CSPP1: variants seen among roughly 807,000 people sequenced by gnomAD.
CSPP1 encodes the protein centrosome and spindle pole associated protein 1, also known as centrosome and spindle pole-associated protein 1.
Under a neutral mutation model 164.4 loss-of-function variants are expected in CSPP1, and 126 were observed. The observed-to-expected ratio is 0.77, with a 90% CI of 0.66 to 0.89. The LOEUF (loss-of-function observed/expected upper bound fraction) is 0.89, where lower values mean the gene tolerates loss of function less well. CSPP1 is among the 40% of genes least tolerant of loss of function. The pLI is 0.00. For missense variants in CSPP1, 1,395 were observed against 1,449.8 expected, an observed-to-expected ratio of 0.96 and a Z score of 0.61; for synonymous variants, 472 against 476.7, an observed-to-expected ratio of 0.99 and a Z score of 0.13.
In CSPP1 at chr8:67,172,471, G is replaced by T. The variant is rs1830666748; in HGVS notation, c.2884G>T (p.Ala962Ser). 1.9e-6 allele frequency: 3 copies of T among 1,613,098 alleles called. No homozygotes were observed. Among genetic ancestry groups the T allele is most frequent in the Admixed American group, 1.7e-5 (1 of 59,994 alleles). Residue 962 changes from alanine to serine, a missense_variant, in exon 25 of 31, where the codon GCT becomes TCT. Ala to Ser is a moderately conservative substitution (Grantham distance 99). Transcript: ENST00000678616. ...IFDMARHRLQ[A>S]PVRRQSPKGL... Reference sequence around the variant, plus strand: ...TGATATGGCTAGACATCGGTTGCAAGCTCCTGTCAGAAGACAGTCCCCTAA... The same window carrying T: ...TGATATGGCTAGACATCGGTTGCAATCTCCTGTCAGAAGACAGTCCCCTAA...
At position 67,086,123 on chromosome 8, in the gene CSPP1, A is replaced by G. The variant is rs1245126245; in HGVS notation, c.303+13A>G. 2.8e-6 allele frequency: 3 copies of G among 1,085,842 alleles called. No individual in the cohort carries two copies. Among genetic ancestry groups the G allele is most frequent in the African/African-American group, 1.5e-5 (1 of 64,778 alleles). 67.3% of individuals were successfully genotyped at this position (1,085,842 alleles called of 1,614,324 possible). A position where few individuals can be genotyped will look rare whatever the true frequency, so the allele number is the denominator to read the frequency against. On this transcript the variant is annotated intron_variant, in intron 4 of 30. Coordinates refer to ENST00000678616, the MANE Select transcript of CSPP1 (RefSeq NM_001382391.1). ...TTATCTTACTCAGGTAATGAGTTCT[A>G]TTAATGAGTTGGGTTTAATGTTTCA... is the stretch of plus-strand genomic sequence containing the variant.
At chr8:67,149,229 T>A (rs1825217264) in intron 17 of CSPP1, among the ~76,000 whole-genome samples, 1 of 152,186 alleles carries the variant, frequency 6.6e-6, no homozygotes, top group Admixed American at 6.5e-5. Context: ...TGGAAATAAT[T>A]TCTTTTATGA....
intron 10 of CSPP1, among the ~76,000 whole-genome samples, chr8:67,112,905 T>C (rs948465662): frequency 6.6e-6 from 1 of 152,200 alleles, no homozygotes; most frequent in Non-Finnish European, 1.5e-5. Context: ...CTATGAGATA[T>C]TATAGTTTAA....
chr8:67,074,246 C>G lies in CSPP1; in HGVS notation c.-7C>G. 1 of 1,597,360 alleles carries G rather than the reference C, an allele frequency of 6.3e-7. No individual in the cohort carries two copies. Among genetic ancestry groups the G allele is most frequent in the Non-Finnish European group, 8.5e-7 (1 of 1,170,268 alleles). Reference sequence around the variant, plus strand: ...TCACTGAAATTTTTTTTTAAAGAATCTGCAAAATGGCTGATAATTTGGATG... The same window carrying G: ...TCACTGAAATTTTTTTTTAAAGAATGTGCAAAATGGCTGATAATTTGGATG... On this transcript the variant is annotated 5_prime_UTR_variant, in exon 2 of 31. It adds an upstream start codon to the 5' untranslated region. Coordinates refer to ENST00000678616, the MANE Select transcript of CSPP1 (RefSeq NM_001382391.1).
chr8:67,124,562 A>G (rs568411162), intron 15 of CSPP1, among the ~76,000 whole-genome samples: 1 of 152,210 alleles, frequency 6.6e-6, no homozygotes, highest in East Asian at 1.9e-4. Flanking sequence ...GTGCAGTGGC[A>G]TGATCATGGC....
Position 67,118,291 on chromosome 8 carries a change from A to G in CSPP1, c.1540A>G (p.Thr514Ala), listed in dbSNP as rs1818321960. Reference protein sequence around the residue: ...PPPPLLPPLATNYRTPYDDAY... With the variant: ...PPPPLLPPLAANYRTPYDDAY... ...ACCTCCCCTACTACCACCTTTGGCT[A>G]CTAACTATCGAACTCCTTATGATGA... The change falls in exon 14 of 31, where the codon ACT becomes GCT. Residue 514 changes from threonine (T) to alanine (A), a missense_variant. Physicochemically the swap from Thr to Ala is moderately conservative, Grantham distance 58 (BLOSUM62 0). Transcript: ENST00000678616. 2 of 1,613,228 alleles carry G rather than the reference A, an allele frequency of 1.2e-6. No homozygotes were observed. Among genetic ancestry groups the G allele is most frequent in the Admixed American group, 1.7e-5 (1 of 59,980 alleles).
chr8:67,177,791 T>A, intron 27 of CSPP1, 65 bp downstream of exon 27: 8 of 1,086,900 alleles, frequency 7.4e-6, no homozygotes, highest in Non-Finnish European at 1.1e-5. Flanking sequence ...AGGCATATGA[T>A]GATCAAGTAA....
chr8:67,095,512 G>A lies in CSPP1; in HGVS notation c.703G>A (p.Ala235Thr). 6.2e-7 allele frequency: 1 copy of A among 1,613,512 alleles called. No homozygotes were observed. Among genetic ancestry groups the A allele is most frequent in the South Asian group, 1.1e-5 (1 of 91,052 alleles). Residue 235 changes from alanine to threonine, a missense_variant, in exon 7 of 31, where the codon GCA becomes ACA. Physicochemically the swap from Ala to Thr is moderately conservative, Grantham distance 58. Coordinates refer to ENST00000678616, the MANE Select transcript of CSPP1 (RefSeq NM_001382391.1). ...ELRNRRIIKKANEEVGISNLK... is the reference protein window; with the variant it reads ...ELRNRRIIKKTNEEVGISNLK... ...AAGGAATAGAAGAATTATTAAAAAA[G>A]CAAATGAAGAAGTGGGCATTTCCAA...
At chr8:67,076,221 C>T (rs1807880296) in intron 2 of CSPP1, among the ~76,000 whole-genome samples, 1 of 151,968 alleles carries the variant, frequency 6.6e-6, no homozygotes, top group African/African-American at 2.4e-5. Flanking sequence ...TTTTAAAACT[C>T]TTATACTTTC....
In CSPP1 at chr8:67,118,790, C is replaced by G; in HGVS notation, c.1666C>G (p.Pro556Ala). The G allele has an allele frequency of 6.2e-7, 1 of 1,611,890 alleles. No individual in the cohort carries two copies. ...ACAGCCTGCAGCTTATGTTAGTGCT[C>G]CTGTCACCCACCAACTAGCACAACC... ...GVQPAAYVSA[P>A]VTHQLAQPVV... Residue 556 changes from proline (P) to alanine (A), a missense_variant, in exon 15 of 31, where the codon CCT (proline) becomes GCT (alanine). Pro to Ala is a conservative substitution (Grantham distance 27). Coordinates refer to ENST00000678616, the MANE Select transcript of CSPP1 (RefSeq NM_001382391.1).
intron 6 of CSPP1, 70 bp from the exon 7 acceptor site, chr8:67,095,223 G>T: frequency 1.2e-6 from 1 of 834,196 alleles, no homozygotes; most frequent in South Asian, 2.2e-5. Context: ...TATAAATTGA[G>T]GGTTTAATTA....
chr8:67,155,657 G>A (rs1826521383), intron 19 of CSPP1, among the ~76,000 whole-genome samples: 1 of 152,102 alleles, frequency 6.6e-6, no homozygotes, highest in Admixed American at 6.5e-5. Context: ...GCATTGTAGT[G>A]TGTGCCTGTC....
At chr8:67,079,141 T>G (rs1479824159) in intron 3 of CSPP1, among the ~76,000 whole-genome samples, 1 of 152,122 alleles carries the variant, frequency 6.6e-6, no homozygotes, top group Admixed American at 6.5e-5. Flanking sequence ...TCTTATACAT[T>G]CCCCGAGTGT....
intron 3 of CSPP1, among the ~76,000 whole-genome samples, chr8:67,078,195 G>A (rs1034759775): frequency 6.6e-6 from 1 of 152,148 alleles, no homozygotes; most frequent in Middle Eastern, 3.2e-3. Flanking sequence ...ATTGGGCTGT[G>A]ATGCCTTTAT....
chr8:67,156,280 A>G (rs1285975290), intron 19 of CSPP1, among the ~76,000 whole-genome samples: 1 of 152,220 alleles, frequency 6.6e-6, no homozygotes, highest in Non-Finnish European at 1.5e-5. Context: ...ACAGCTAGCA[A>G]ATTGTGAGGC....
intron 28 of CSPP1, among the ~76,000 whole-genome samples, chr8:67,184,943 C>T (rs867914960): frequency 3.6e-5 from 2 of 56,082 alleles, no homozygotes; most frequent in Non-Finnish European, 8.1e-5. Flanking sequence ...ACTAAAAATA[C>T]AAAAAAAAAA....
intron 4 of CSPP1, among the ~76,000 whole-genome samples, chr8:67,089,832 GT>G (rs991766489): frequency 2.8e-5 from 4 of 144,058 alleles, no homozygotes; most frequent in Admixed American, 2.1e-4. Context: ...ATAAAAAAAA[GT>G]TTTTTTTTTG....
chr8:67,119,052 G>A (rs979356118), intron 15 of CSPP1, among the ~76,000 whole-genome samples: 7 of 152,026 alleles, frequency 4.6e-5, no homozygotes, highest in Non-Finnish European at 7.4e-5. Flanking sequence ...CCCTACCTCC[G>A]TTCTCTGGCA....
intron 9 of CSPP1, among the ~76,000 whole-genome samples, chr8:67,109,327 T>C (rs1816330476): frequency 6.6e-6 from 1 of 152,200 alleles, no homozygotes; most frequent in Non-Finnish European, 1.5e-5. Context: ...TTCCTCACCA[T>C]GGTTACTCAC....
Sources: allele counts gnomAD v4.1 joint callset (sites outside exome capture counted in the v4.1 genomes callset), GRCh38; gene constraint gnomAD v4.1.1; transcripts MANE v1.5; gene names NCBI Gene and HGNC (gene_info 2026-07-23, HGNC 2026-07-21).